Variants in LAMA1 observed in about 807,000 individuals in gnomAD.
LAMA1 encodes the protein laminin subunit alpha-1.
Under a neutral mutation model 348.7 loss-of-function variants are expected in LAMA1, and 219 were observed. That is an observed-to-expected ratio of 0.63 (90% CI 0.56 to 0.70). The LOEUF is 0.70. Among genes scored for constraint, LAMA1 ranks in the 30% least tolerant of loss-of-function variants. LAMA1 has a pLI of 0.00. For synonymous variants in LAMA1, 1,487 were observed against 1,491.0 expected, an observed-to-expected ratio of 1.00 and a Z score of 0.06; for missense variants, 3,744 against 3,888.0, an observed-to-expected ratio of 0.96 and a Z score of 0.99.
intron 19 of LAMA1, among the ~76,000 whole-genome samples, chr18:7,021,836 A>ATATT (rs1240631633): frequency 1.7e-5 from 1 of 58,158 alleles, no homozygotes; most frequent in Non-Finnish European, 3.3e-5. Context: ...ATAATATAAT[A>ATATT]ATATATTATA....
chr18:6,964,895 C>G, intron 50 of LAMA1, 92 bp from the exon 51 acceptor site: 1 of 1,380,860 alleles, frequency 7.2e-7, no homozygotes, highest in Non-Finnish European at 1.0e-6. Flanking sequence ...AGCTCATTTA[C>G]AAATGCATAT....
chr18:6,964,227 T>C, intron 51 of LAMA1: 1 of 261,362 alleles, frequency 3.8e-6, no homozygotes, highest in South Asian at 5.2e-5. Context: ...TCTGAATAAA[T>C]AGAAGCAGAT....
chr18:6,991,876 A>T (rs543485449), intron 36 of LAMA1, among the ~76,000 whole-genome samples: 1 of 152,256 alleles, frequency 6.6e-6, no homozygotes, highest in African/African-American at 2.4e-5. Flanking sequence ...TCACATGACT[A>T]TATCATTTCA....
chr18:7,069,487 T>C (rs2058137239), intron 3 of LAMA1, among the ~76,000 whole-genome samples: 1 of 152,142 alleles, frequency 6.6e-6, no homozygotes, highest in South Asian at 2.1e-4. Flanking sequence ...CCTCCTCCGG[T>C]TGACGGGTGA....
At chr18:6,956,415 G>T in intron 56 of LAMA1, 1 of 717,434 alleles carries the variant, frequency 1.4e-6, no homozygotes, top group Non-Finnish European at 2.5e-6. Flanking sequence ...CGCGGCCTGG[G>T]TGTTGGGGCC....
At chr18:6,989,428 C>T (rs944198423) in intron 36 of LAMA1, among the ~76,000 whole-genome samples, 2 of 152,148 alleles carry the variant, frequency 1.3e-5, no homozygotes, top group African/African-American at 4.8e-5. Context: ...TGCTAAACTT[C>T]TCATCTATAC....
intron 36 of LAMA1, 91 bp from the exon 37 acceptor site, chr18:6,986,438 T>A (rs536339859): frequency 8.8e-7 from 1 of 1,139,104 alleles, no homozygotes; most frequent in Admixed American, 1.9e-5. Flanking sequence ...TACGTATTTA[T>A]GCCTAGTCTC....
chr18:7,108,977 T>C (rs1281417963), intron 1 of LAMA1, among the ~76,000 whole-genome samples: 2 of 152,176 alleles, frequency 1.3e-5, no homozygotes, highest in Non-Finnish European at 2.9e-5. Flanking sequence ...GGAAGAGTTC[T>C]GGAAACAACT....
In LAMA1 at chr18:7,038,871, G is replaced by A; in HGVS notation, c.1502C>T (p.Ser501Phe). The change falls in exon 11 of 63, where the codon TCC (serine) becomes TTC (phenylalanine). Residue 501 changes from serine (S) to phenylalanine (F), a missense_variant. Ser to Phe is a radical substitution (Grantham distance 155). Transcript: ENST00000389658. Reference protein sequence around the residue: ...NLKEKNPRGCSECFCFGVSDV... With the variant: ...NLKEKNPRGCFECFCFGVSDV... ...AGAAACGCCAAAGCAGAAGCACTCG[G>A]AGCAGCCCCGGGGGTTTTTTTCCTT... The A allele has an allele frequency of 6.2e-7, 1 of 1,614,224 alleles. No homozygotes were observed.
At chr18:7,117,023 A>C (rs959779906) in intron 1 of LAMA1, among the ~76,000 whole-genome samples, 5 of 152,046 alleles carry the variant, frequency 3.3e-5, no homozygotes, top group Non-Finnish European at 1.5e-5. Context: ...ATTGCACAAA[A>C]AGCGCGGGTC....
Position 7,062,434 on chromosome 18 carries a change from A to G in LAMA1, c.346-11498T>C, listed in dbSNP as rs983852808. Among the ~76,000 whole-genome samples, 18 of 152,192 alleles carry G rather than the reference A, an allele frequency of 1.2e-4. 1 individual carries two copies. Among genetic ancestry groups the G allele is most frequent in the Admixed American group, 6.5e-5 (1 of 15,288 alleles). ...GGAGAGAGCCGGCGGGCGCCTGGCC[A>G]GGGCTGTCGGCCATCACGCAGATGT... On this transcript the variant is annotated intron_variant, in intron 3 of 62. Transcript: ENST00000389658.
At chr18:7,111,648 TC>T (rs1290649950) in intron 1 of LAMA1, among the ~76,000 whole-genome samples, 2 of 152,230 alleles carry the variant, frequency 1.3e-5, no homozygotes, top group African/African-American at 4.8e-5. Flanking sequence ...GAAGGGTTTT[TC>T]CTCCTCGTTA....
chr18:7,084,422 G>A (rs1345224792), intron 1 of LAMA1, among the ~76,000 whole-genome samples: 1 of 152,148 alleles, frequency 6.6e-6, no homozygotes, highest in Non-Finnish European at 1.5e-5. Context: ...TATGTGGCGT[G>A]ACACAGTTTT....
chr18:6,949,173 G>A lies in LAMA1; in HGVS notation c.8484C>T (p.Thr2828=), dbSNP rs904670740. Reference sequence around the variant, plus strand: ...AGAACAAACCCTCCACATCCAGCATGGTTCCATCTCCCACCACAGTCACCA... The same window carrying A: ...AGAACAAACCCTCCACATCCAGCATAGTTCCATCTCCCACCACAGTCACCA... ...SPMVTVVGDG[T]MLDVEGLFYL... The change falls in exon 59 of 63, where the codon ACC becomes ACT. Residue 2828 remains threonine (T), a synonymous_variant. Coordinates refer to ENST00000389658, the MANE Select transcript of LAMA1 (RefSeq NM_005559.4). 4 of 1,614,030 alleles carry A rather than the reference G, an allele frequency of 2.5e-6. No homozygotes were observed. Among genetic ancestry groups the A allele is most frequent in the Middle Eastern group, 1.6e-4 (1 of 6,084 alleles).
At chr18:7,093,039 A>G (rs1237994178) in intron 1 of LAMA1, among the ~76,000 whole-genome samples, 4 of 152,170 alleles carry the variant, frequency 2.6e-5, no homozygotes, top group Non-Finnish European at 4.4e-5. Flanking sequence ...CGAATTGAGG[A>G]GCAGAGAACT....
At chr18:7,053,245 TG>T (rs2058069041) in intron 3 of LAMA1, among the ~76,000 whole-genome samples, 1 of 152,156 alleles carries the variant, frequency 6.6e-6, no homozygotes, top group South Asian at 2.1e-4. Flanking sequence ...CCACCCTGTA[TG>T]ATACTCTAAT....
In LAMA1 at chr18:7,010,347, G is replaced by A. The variant is rs771373589; in HGVS notation, c.3726C>T (p.Ala1242=). The A allele has an allele frequency of 8.1e-6, 13 of 1,613,982 alleles. No homozygotes were observed. In the African/African-American group the frequency reaches 1.3e-4, roughly 17 times the overall value. ...AYGGKLKYSV[A]FYSLDGVGTS... ...TGCCGACGCCATCCAAAGAATAGAA[G>A]GCCACGCTGTACTTCAGTTTGCCAC... Residue 1242 remains alanine (A), a synonymous_variant, in exon 26 of 63, where the codon GCC becomes GCT. Transcript: ENST00000389658.
At chr18:7,033,456 A>T (rs1208656557) in intron 14 of LAMA1, among the ~76,000 whole-genome samples, 1 of 43,768 alleles carries the variant, frequency 2.3e-5, no homozygotes, top group South Asian at 4.8e-4. Context: ...ACTCTGTCTC[A>T]AAAAAAAAAA....
At chr18:6,985,000 T>A (rs971752670) in intron 39 of LAMA1, among the ~76,000 whole-genome samples, 4 of 152,262 alleles carry the variant, frequency 2.6e-5, no homozygotes, top group African/African-American at 9.6e-5. Flanking sequence ...TATTATACTG[T>A]AGCATATTAT....
Sources: allele counts gnomAD v4.1 joint callset (sites outside exome capture counted in the v4.1 genomes callset), GRCh38; gene constraint gnomAD v4.1.1; transcripts MANE v1.5; gene names NCBI Gene and HGNC (gene_info 2026-07-23, HGNC 2026-07-21).